Variants in RALYL observed in about 807,000 individuals in gnomAD.
The protein encoded by RALYL is RALY RNA binding protein like.
Under a neutral mutation model 35.1 loss-of-function variants are expected in RALYL, and 29 were observed. The observed-to-expected ratio is 0.83, with a 90% CI of 0.61 to 1.13. RALYL has a LOEUF of 1.13. RALYL is among the 50% of genes most tolerant of loss of function. RALYL has a pLI of 0.00. For missense variants in RALYL, 359 were observed against 360.4 expected (o/e 1.00, Z 0.03); for synonymous variants, 120 against 127.6 (o/e 0.94, Z 0.40).
intron 1 of RALYL, among the ~76,000 whole-genome samples, chr8:84,354,458 C>T (rs1851467000): frequency 6.7e-6 from 1 of 150,280 alleles, no homozygotes. Context: ...AATTCTCTTC[C>T]AGCTTTATCT....
intron 1 of RALYL, among the ~76,000 whole-genome samples, chr8:84,359,603 A>G (rs578026473): frequency 1.3e-5 from 2 of 152,228 alleles, no homozygotes; most frequent in African/African-American, 4.8e-5. Context: ...TTTAACTAAA[A>G]TCACTGTAGA....
intron 8 of RALYL, among the ~76,000 whole-genome samples, chr8:84,909,004 T>A (rs575551708): frequency 6.6e-6 from 1 of 152,246 alleles, no homozygotes; most frequent in East Asian, 1.9e-4. Flanking sequence ...AGACAGCATT[T>A]CCATGCCATG....
intron 2 of RALYL, among the ~76,000 whole-genome samples, chr8:84,603,445 T>A (rs1188229657): frequency 6.8e-6 from 1 of 145,986 alleles, no homozygotes; most frequent in African/African-American, 2.5e-5. Flanking sequence ...ACAATTGGCA[T>A]TGTATTATTA....
At chr8:84,460,808 A>C (rs1587470036) in intron 1 of RALYL, among the ~76,000 whole-genome samples, 1 of 151,746 alleles carries the variant, frequency 6.6e-6, no homozygotes, top group Admixed American at 6.6e-5. Flanking sequence ...ATTTTTAAAA[A>C]TCAAACTATA....
intron 2 of RALYL, among the ~76,000 whole-genome samples, chr8:84,650,685 C>T (rs1040173989): frequency 1.1e-4 from 16 of 151,890 alleles, no homozygotes; most frequent in African/African-American, 3.9e-4. Flanking sequence ...GGATCTAGAA[C>T]TAGAAATACC....
At chr8:84,385,563 G>T (rs1050797205) in intron 1 of RALYL, among the ~76,000 whole-genome samples, 1 of 151,892 alleles carries the variant, frequency 6.6e-6, no homozygotes, top group Admixed American at 6.6e-5. Flanking sequence ...GGGTGTAAAA[G>T]CCACATTGCT....
At chr8:84,693,337 C>T (rs946160313) in intron 2 of RALYL, among the ~76,000 whole-genome samples, 10 of 151,872 alleles carry the variant, frequency 6.6e-5, no homozygotes, top group Admixed American at 2.0e-4. Context: ...GAAGCAAACA[C>T]GTCCTTCTTC....
At chr8:84,734,948 A>G (rs1391342523) in intron 2 of RALYL, among the ~76,000 whole-genome samples, 2 of 151,942 alleles carry the variant, frequency 1.3e-5, no homozygotes, top group Non-Finnish European at 2.9e-5. Flanking sequence ...ATAAATCATG[A>G]TTTAAAACAT....
At chr8:84,315,831 A>AT (rs893576179) in intron 1 of RALYL, among the ~76,000 whole-genome samples, 1 of 151,668 alleles carries the variant, frequency 6.6e-6, no homozygotes, top group African/African-American at 2.4e-5. Context: ...AAAAAAAAAA[A>AT]ACTTTCTGAA....
chr8:84,408,921 A>G (rs557516414), intron 1 of RALYL, among the ~76,000 whole-genome samples: 1 of 152,124 alleles, frequency 6.6e-6, no homozygotes, highest in African/African-American at 2.4e-5. Flanking sequence ...AAAAAAAGAA[A>G]CTGTGCATTA....
chr8:84,672,397 A>G (rs1001496669), intron 2 of RALYL, among the ~76,000 whole-genome samples: 1 of 151,982 alleles, frequency 6.6e-6, no homozygotes, highest in African/African-American at 2.4e-5. Context: ...ACTTTCCCAC[A>G]TTTTCCTGTC....
At chr8:84,875,682 T>C (rs986486856) in intron 7 of RALYL, among the ~76,000 whole-genome samples, 1 of 152,140 alleles carries the variant, frequency 6.6e-6, no homozygotes, top group African/African-American at 2.4e-5. Flanking sequence ...TTTTACTATA[T>C]TTTCTTCACG....
chr8:84,695,468 G>T (rs1838936962), intron 2 of RALYL, among the ~76,000 whole-genome samples: 1 of 151,730 alleles, frequency 6.6e-6, no homozygotes, highest in Admixed American at 6.6e-5. Context: ...AAGTGTCAGG[G>T]TACTGGTTAC....
At chr8:84,674,340 T>C (rs1430412250) in intron 2 of RALYL, among the ~76,000 whole-genome samples, 1 of 152,198 alleles carries the variant, frequency 6.6e-6, no homozygotes, top group Non-Finnish European at 1.5e-5. Context: ...TTTAACTTCC[T>C]CTCTTTGTAT....
chr8:84,405,301 T>A (rs1052474389), intron 1 of RALYL, among the ~76,000 whole-genome samples: 14 of 151,898 alleles, frequency 9.2e-5, no homozygotes, highest in African/African-American at 3.4e-4. Flanking sequence ...TTGAAAGAAC[T>A]AGAGAAGCAA....
chr8:84,679,341 G>T, intron 2 of RALYL: 1 of 269,050 alleles, frequency 3.7e-6, no homozygotes, highest in Non-Finnish European at 7.4e-6. Context: ...GGAACAGATT[G>T]AGACATTGTA....
chr8:84,503,238 C>G (rs2134255578), intron 1 of RALYL, among the ~76,000 whole-genome samples: 1 of 152,010 alleles, frequency 6.6e-6, no homozygotes, highest in East Asian at 1.9e-4. Context: ...GCCTCAAACT[C>G]CTGAGCTCAA....
At chr8:84,490,716 T>TA (rs1554690790) in intron 1 of RALYL, among the ~76,000 whole-genome samples, 1 of 150,138 alleles carries the variant, frequency 6.7e-6, no homozygotes, top group Non-Finnish European at 1.5e-5. Context: ...TATATATATT[T>TA]TTATTATTAT....
chr8:84,214,591 T>C (rs753143841), intron 1 of RALYL, among the ~76,000 whole-genome samples: 7 of 152,132 alleles, frequency 4.6e-5, no homozygotes, highest in Non-Finnish European at 8.8e-5. Context: ...TTTAATATCA[T>C]TTACTGTAAT....
Sources: allele counts gnomAD v4.1 joint callset (sites outside exome capture counted in the v4.1 genomes callset), GRCh38; gene constraint gnomAD v4.1.1; transcripts MANE v1.5; gene names NCBI Gene and HGNC (gene_info 2026-07-23, HGNC 2026-07-21).